The following SELP variants were observed in gnomAD, a reference collection of about 807,000 sequenced individuals.
SELP encodes the protein P-selectin.
In SELP, 92 loss-of-function variants were observed where a neutral mutation model predicts 104.1. The observed-to-expected ratio is 0.88, with a 90% confidence interval of 0.75 to 1.05. SELP has a LOEUF of 1.05. Among genes scored for constraint, SELP ranks in the 50% least tolerant of loss-of-function variants. The probability of loss-of-function intolerance (pLI) is 0.00; values close to 1 mark genes in which losing one functional copy is unlikely to be tolerated. For missense variants in SELP, 1,022 were observed against 1,017.3 expected, an observed-to-expected ratio of 1.00 and a Z score of -0.06; for synonymous variants, 397 against 364.5, an observed-to-expected ratio of 1.09 and a Z score of -1.01.
rs1309011961 is a variant in SELP at position 169,593,639 on chromosome 1, G to A, written c.2373C>T (p.Leu791=). Residue 791 remains leucine (L), a synonymous_variant, in exon 14 of 17, where the codon CTC becomes CTT. Coordinates refer to ENST00000263686, the MANE Select transcript of SELP (RefSeq NM_003005.4). Reference sequence around the variant, plus strand: ...TGAAACGCTTTCTTAGCAAAGCCAGGAGCGTCCCACCCATTATCAGACCTA... The same window carrying A: ...TGAAACGCTTTCTTAGCAAAGCCAGAAGCGTCCCACCCATTATCAGACCTA... ...STIGLIMGGT[L]LALLRKRFRQ... The A allele has an allele frequency of 6.2e-7, 1 of 1,613,294 alleles. No individual in the cohort carries two copies. The highest frequency in any genetic ancestry group is 8.5e-7 in the Non-Finnish European group (1 of 1,179,536).
chr1:169,624,941 G>A (rs903210111), intron 1 of SELP, among the ~76,000 whole-genome samples: 6 of 152,200 alleles, frequency 3.9e-5, no homozygotes, highest in Admixed American at 3.9e-4. Context: ...AGGAGATCTT[G>A]TTCTTTTTGT....
chr1:169,595,362 A>G (rs758991591), intron 12 of SELP, among the ~76,000 whole-genome samples: 3 of 152,200 alleles, frequency 2.0e-5, no homozygotes, highest in African/African-American at 4.8e-5. Context: ...TTTCTAATTT[A>G]TGGATAGGAA....
At chr1:169,626,215 G>A (rs1663365178) in intron 1 of SELP, among the ~76,000 whole-genome samples, 3 of 152,182 alleles carry the variant, frequency 2.0e-5, no homozygotes, top group African/African-American at 2.4e-5. Context: ...AATACGAGCC[G>A]GGGGTAGTGA....
chr1:169,594,572 T>A (rs1385133116), intron 13 of SELP, 120 bp downstream of exon 13: 1 of 908,714 alleles, frequency 1.1e-6, no homozygotes, highest in Non-Finnish European at 1.7e-6. Context: ...AAACACTTAT[T>A]AAGCAGGGGG....
chr1:169,619,118 A>G lies in SELP; in HGVS notation c.94+11T>C, dbSNP rs770892339. The G allele has an allele frequency of 1.9e-6, 3 of 1,607,170 alleles. No homozygotes were observed. Among genetic ancestry groups the G allele is most frequent in the East Asian group, 2.2e-5 (1 of 44,818 alleles). On this transcript the variant is annotated intron_variant, in intron 2 of 16. Transcript: ENST00000263686. The stretch of plus-strand genomic sequence containing the variant: ...ACTTAGGCCTAAGTGAAAAGTTAGC[A>G]TAAAGTTTACCAGAGATCAGGGCAC...
intron 1 of SELP, among the ~76,000 whole-genome samples, chr1:169,623,117 C>A (rs755765164): frequency 1.8e-4 from 28 of 152,292 alleles, no homozygotes; most frequent in Non-Finnish European, 3.2e-4. Flanking sequence ...AAAAATATTG[C>A]TGCTGAAGAG....
intron 1 of SELP, among the ~76,000 whole-genome samples, chr1:169,620,827 G>A (rs1663067149): frequency 8.3e-6 from 1 of 121,136 alleles, no homozygotes; most frequent in Admixed American, 8.1e-5. Flanking sequence ...GTGTGTGTGT[G>A]TATGTGTCAT....
chr1:169,590,943 G>A (rs1272990481), intron 15 of SELP, among the ~76,000 whole-genome samples: 1 of 152,118 alleles, frequency 6.6e-6, no homozygotes, highest in African/African-American at 2.4e-5. Context: ...TAAATATTAA[G>A]CATTTTTTTG....
At position 169,613,687 on chromosome 1, in the gene SELP, C is replaced by A; in HGVS notation, c.488G>T (p.Cys163Phe). Residue 163 changes from cysteine to phenylalanine, a missense_variant, in exon 4 of 17, where the codon TGC becomes TTC. Transcript: ENST00000263686. ...KKHALCYTASCQDMSCSKQGE... is the reference protein window; with the variant it reads ...KKHALCYTASFQDMSCSKQGE... ...TTGTTTGCTGCAGGACATGTCCTGG[C>A]AGGAGGCTGCATAGATATGGAAAGG... The A allele has an allele frequency of 6.2e-7, 1 of 1,613,476 alleles. No individual in the cohort carries two copies. The highest frequency in any genetic ancestry group is 2.2e-5 in the East Asian group (1 of 44,866).
At chr1:169,617,628 T>C (rs1662888576) in intron 2 of SELP, among the ~76,000 whole-genome samples, 1 of 152,216 alleles carries the variant, frequency 6.6e-6, no homozygotes, top group Non-Finnish European at 1.5e-5. Flanking sequence ...TAGGAAAATG[T>C]CATCTTCTGA....
At chr1:169,603,891 A>T (rs1662048285) in intron 9 of SELP, among the ~76,000 whole-genome samples, 2 of 152,354 alleles carry the variant, frequency 1.3e-5, no homozygotes, top group Middle Eastern at 3.4e-3. Context: ...TGCTATTTTG[A>T]ATAGTGCCGC....
chr1:169,611,699 A>G lies in SELP; in HGVS notation c.962-22T>C, dbSNP rs190218836. 1.9e-6 allele frequency: 3 copies of G among 1,606,402 alleles called. No individual in the cohort carries two copies. In the East Asian group the frequency reaches 6.7e-5, roughly 36 times the overall value. On this transcript the variant is annotated intron_variant, in intron 6 of 16. Coordinates refer to ENST00000263686, the MANE Select transcript of SELP (RefSeq NM_003005.4). Reference sequence around the variant, plus strand: ...ACAGCTGGAGAGAATAACCAAGGATAAAGAGAAAGATACTGAGAAAGGAGA... The same window carrying G: ...ACAGCTGGAGAGAATAACCAAGGATGAAGAGAAAGATACTGAGAAAGGAGA...
At chr1:169,619,522 A>G (rs1213495574) in intron 1 of SELP, among the ~76,000 whole-genome samples, 1 of 152,248 alleles carries the variant, frequency 6.6e-6, no homozygotes, top group Admixed American at 6.5e-5. Context: ...TATGGAAGAA[A>G]GCTAAACACA....
At chr1:169,590,271 A>G (rs1202581669) in intron 15 of SELP, 69 bp from the exon 16 acceptor site, 11 of 1,136,516 alleles carry the variant, frequency 9.7e-6, no homozygotes, top group Admixed American at 2.0e-5. Context: ...TCCAACACAT[A>G]GTATTTCCAG....
intron 3 of SELP, among the ~76,000 whole-genome samples, chr1:169,616,038 C>T (rs553901189): frequency 6.6e-6 from 1 of 152,242 alleles, no homozygotes; most frequent in South Asian, 2.1e-4. Flanking sequence ...AGGGAAGCAA[C>T]ATCAGAAAGA....
At position 169,603,900 on chromosome 1, in the gene SELP, G is replaced by A. The variant is rs527366250; in HGVS notation, c.1520-689C>T. 5.3e-5 allele frequency among the ~76,000 whole-genome samples: 8 copies of A among 152,278 alleles called. No individual in the cohort carries two copies. In the South Asian group the frequency reaches 1.0e-3, roughly 20 times the overall value. On this transcript the variant is annotated intron_variant, in intron 9 of 16. Transcript: ENST00000263686. ...AGTCTTTGCTATTTTGAATAGTGCC[G>A]CAATAAACATACCTGTGCATGTGTC... is the stretch of plus-strand genomic sequence containing the variant.
chr1:169,615,094 C>A (rs1662740309), intron 3 of SELP, among the ~76,000 whole-genome samples: 3 of 152,158 alleles, frequency 2.0e-5, no homozygotes, highest in Admixed American at 2.0e-4. Flanking sequence ...TTTGGATCTC[C>A]AGGGAGAAGA....
In SELP at chr1:169,596,011, C is replaced by G; in HGVS notation, c.2015G>C (p.Cys672Ser). The G allele has an allele frequency of 6.2e-7, 1 of 1,613,956 alleles. No individual in the cohort carries two copies. Among genetic ancestry groups the G allele is most frequent in the Non-Finnish European group, 8.5e-7 (1 of 1,179,858 alleles). ...TCCTATGAGTGTGAATCCAGCGTTG[C>G]AGCCAAAGTAACAAGTGGTATTAAA... ...FGFNTTCYFG[C>S]NAGFTLIGDS... is the part of the protein sequence containing the mutation. The change falls in exon 12 of 17, where the codon TGC (cysteine) becomes TCC (serine). Residue 672 changes from cysteine (C) to serine (S), a missense_variant. Physicochemically the swap from Cys to Ser is moderately radical, Grantham distance 112. Transcript: ENST00000263686.
At chr1:169,616,410 G>A (rs1316855737) in intron 3 of SELP, among the ~76,000 whole-genome samples, 1 of 152,120 alleles carries the variant, frequency 6.6e-6, no homozygotes, top group African/African-American at 2.4e-5. Flanking sequence ...TAGAACCCTG[G>A]GCAGATTACT....
Sources: gnomAD v4.1 joint callset for allele counts (sites outside exome capture counted in the v4.1 genomes callset) on GRCh38, gnomAD v4.1.1 for gene constraint, MANE v1.5 for transcripts, NCBI Gene and HGNC (gene_info 2026-07-23, HGNC 2026-07-21) for gene names.